GRK4: variants seen among roughly 807,000 people sequenced by gnomAD.
GRK4 encodes the protein G protein-coupled receptor kinase 2-like.
GRK4 carries 73 observed loss-of-function variants against 77.9 expected under a neutral mutation model. The observed-to-expected ratio is 0.94, with a 90% CI of 0.78 to 1.14. GRK4 has a LOEUF of 1.14. Among genes scored for constraint, GRK4 ranks in the 50% most tolerant of loss-of-function variants. The probability of loss-of-function intolerance (pLI) is 0.00; values close to 1 mark genes in which losing one functional copy is unlikely to be tolerated. For synonymous variants in GRK4, 257 were observed against 254.4 expected (o/e 1.01, Z -0.10); for missense variants, 729 against 700.2 (o/e 1.04, Z -0.46).
intron 8 of GRK4, 148 bp from the exon 9 acceptor site, chr4:3,019,493 T>C (rs1324728651): frequency 1.9e-5 from 13 of 701,742 alleles, no homozygotes; most frequent in South Asian, 1.7e-4. Flanking sequence ...GCACGTGATA[T>C]GTCCTGTACA....
intron 1 of GRK4, among the ~76,000 whole-genome samples, chr4:2,981,886 C>T (rs545062845): frequency 2.0e-5 from 3 of 152,384 alleles, no homozygotes; most frequent in South Asian, 4.1e-4. Context: ...ACGCCTTGGC[C>T]TCCCTGCCAT....
chr4:2,966,826 T>A (rs1717863859), intron 1 of GRK4: 1 of 152,204 alleles, frequency 6.6e-6, no homozygotes, highest in African/African-American at 2.4e-5. Context: ...CAATGTTGAT[T>A]TAATATTATT....
At chr4:3,037,085 G>GTGTGTGTGTA (rs1553904237) in intron 13 of GRK4, among the ~76,000 whole-genome samples, 1,863 of 42,950 alleles carry the variant, frequency 0.043, 18 homozygotes, top group African/African-American at 0.087. Flanking sequence ...GTGTGTGTAT[G>GTGTGTGTGTA]TGTGTGTGTG....
At position 2,988,802 on chromosome 4, in the gene GRK4, C is replaced by G. The variant is rs749707867; in HGVS notation, c.224C>G (p.Pro75Arg). The G allele has an allele frequency of 3.1e-6, 5 of 1,612,420 alleles. No individual in the cohort carries two copies. The highest frequency in any genetic ancestry group is 1.7e-4 in the Middle Eastern group (1 of 6,052). The change falls in exon 3 of 16, where the codon CCC becomes CGC. Residue 75 changes from proline to arginine, a missense_variant. Transcript: ENST00000398052. The stretch of plus-strand genomic sequence containing the variant: ...TTCAGGCAGTTCTGTGATACCAAAC[C>G]CACTCTAAAGAGGCACATTGAATTC... ...RLFRQFCDTK[P>R]TLKRHIEFLD...
At chr4:3,019,534 C>A in intron 8 of GRK4, 107 bp from the exon 9 acceptor site, 1 of 954,624 alleles carries the variant, frequency 1.0e-6, no homozygotes, top group Non-Finnish European at 1.6e-6. Flanking sequence ...TTCACATGTT[C>A]TGATTGTAAA....
rs757666456 is a variant in GRK4 at position 3,035,490 on chromosome 4, G to A, written c.1374G>A (p.Glu458=). The A allele has an allele frequency of 6.2e-7, 1 of 1,614,042 alleles. No homozygotes were observed. Among genetic ancestry groups the A allele is most frequent in the Non-Finnish European group, 8.5e-7 (1 of 1,179,984 alleles). Residue 458 remains glutamate, a synonymous_variant, in exon 13 of 16, where the codon GAG becomes GAA. Transcript: ENST00000398052. The stretch of plus-strand genomic sequence containing the variant: ...AGGACATCAACTTCAGGAGGCTGGA[G>A]GCAAACATGCTGGAGCCCCCTTTCT... ...VFKDINFRRL[E]ANMLEPPFCP...
intron 1 of GRK4, chr4:2,966,716 G>A (rs1262192774): frequency 6.6e-6 from 1 of 152,160 alleles, no homozygotes; most frequent in Non-Finnish European, 1.5e-5. Flanking sequence ...ATAACTTCAT[G>A]GACAGCTCCT....
intron 1 of GRK4, among the ~76,000 whole-genome samples, chr4:2,970,635 C>G (rs1221274824): frequency 1.3e-5 from 2 of 148,426 alleles, no homozygotes; most frequent in Non-Finnish European, 3.0e-5. Context: ...TCCAACCTGG[C>G]GACACGGTGA....
intron 12 of GRK4, among the ~76,000 whole-genome samples, chr4:3,034,996 G>A (rs182793274): frequency 3.9e-5 from 6 of 152,204 alleles, no homozygotes; most frequent in African/African-American, 1.4e-4. Flanking sequence ...GGTGGCTCAC[G>A]ACTGTAATCC....
chr4:3,012,508 A>G (rs1249309714), intron 7 of GRK4, among the ~76,000 whole-genome samples: 1 of 152,218 alleles, frequency 6.6e-6, no homozygotes, highest in Non-Finnish European at 1.5e-5. Context: ...ATTTTCCACA[A>G]TTAACTTTGT....
chr4:3,023,903 T>G (rs1052172993), intron 10 of GRK4, among the ~76,000 whole-genome samples: 2 of 152,222 alleles, frequency 1.3e-5, no homozygotes, highest in African/African-American at 2.4e-5. Flanking sequence ...GTAGTGTGCT[T>G]GCTCATAAAC....
chr4:3,007,454 A>G (rs1319006380), intron 5 of GRK4, among the ~76,000 whole-genome samples: 1 of 151,898 alleles, frequency 6.6e-6, no homozygotes, highest in Non-Finnish European at 1.5e-5. Context: ...TGTCTTGCAC[A>G]TGGGAAGCAT....
chr4:2,980,663 C>A (rs1362700858), intron 1 of GRK4, among the ~76,000 whole-genome samples: 4 of 152,146 alleles, frequency 2.6e-5, no homozygotes, highest in Non-Finnish European at 5.9e-5. Flanking sequence ...ATCCAGCCTA[C>A]CTCTTGTTGC....
chr4:2,969,677 T>C (rs1188862826), intron 1 of GRK4, among the ~76,000 whole-genome samples: 2 of 58,772 alleles, frequency 3.4e-5, no homozygotes, highest in African/African-American at 8.3e-5. Context: ...GTGCCCAGCC[T>C]TTTTTTTTTT....
intron 4 of GRK4, 146 bp downstream of exon 4, chr4:2,992,438 G>A (rs895730583): frequency 2.8e-5 from 15 of 545,268 alleles, no homozygotes; most frequent in Admixed American, 1.7e-4. Context: ...CCAGCACTTC[G>A]GGAGGCTGAG....
Position 2,964,056 on chromosome 4 carries a change from C to T in GRK4, c.-15C>T. 2.5e-6 allele frequency: 4 copies of T among 1,607,748 alleles called. No homozygotes were observed. Among genetic ancestry groups the T allele is most frequent in the African/African-American group, 1.3e-5 (1 of 74,970 alleles). ...TCGGTCTCGCAGAATCCGCCGGCGGCGGCGGCGCCAGGACATGGAGCTCGA... is the reference window on the plus strand; with the variant it reads ...TCGGTCTCGCAGAATCCGCCGGCGGTGGCGGCGCCAGGACATGGAGCTCGA... On this transcript the variant is annotated 5_prime_UTR_variant, in exon 1 of 16. Coordinates refer to ENST00000398052, the MANE Select transcript of GRK4 (RefSeq NM_182982.3).
chr4:2,974,955 C>T (rs1720671221), intron 1 of GRK4, among the ~76,000 whole-genome samples: 1 of 152,224 alleles, frequency 6.6e-6, no homozygotes, highest in South Asian at 2.1e-4. Flanking sequence ...GCCCTCTAGC[C>T]ACCAAATATC....
At chr4:2,984,656 T>A (rs764469909) in intron 2 of GRK4, 48 bp downstream of exon 2, 1 of 941,852 alleles carries the variant, frequency 1.1e-6, no homozygotes, top group Non-Finnish European at 1.6e-6. Context: ...TCTGGCATGA[T>A]ACCATTCATT....
At chr4:3,020,059 C>A (rs1247766070) in intron 9 of GRK4, among the ~76,000 whole-genome samples, 2 of 152,126 alleles carry the variant, frequency 1.3e-5, no homozygotes, top group Non-Finnish European at 2.9e-5. Context: ...CACTCTGTCA[C>A]CTAGGCTGGA....
Sources: allele counts gnomAD v4.1 joint callset (sites outside exome capture counted in the v4.1 genomes callset), GRCh38; gene constraint gnomAD v4.1.1; transcripts MANE v1.5; gene names NCBI Gene and HGNC (gene_info 2026-07-23, HGNC 2026-07-21).